Variants in R3HDM1 observed in about 807,000 individuals in gnomAD.
The protein encoded by R3HDM1 is R3H domain containing 1, also known as R3H domain-containing protein 1.
In R3HDM1, 46 loss-of-function variants were observed where a neutral mutation model predicts 141.1. That is an observed-to-expected ratio of 0.33 (90% CI 0.26 to 0.42). The LOEUF is 0.42. Ranked by LOEUF, R3HDM1 falls within the 10% of genes least tolerant of loss-of-function variation. R3HDM1 has a pLI of 1.00. For synonymous variants in R3HDM1, 435 were observed against 472.9 expected, an observed-to-expected ratio of 0.92 and a Z score of 1.04; for missense variants, 1,184 against 1,368.3, an observed-to-expected ratio of 0.87 and a Z score of 2.12.
At chr2:135,658,632 A>G (rs992051225) in intron 18 of R3HDM1, among the ~76,000 whole-genome samples, 1 of 152,144 alleles carries the variant, frequency 6.6e-6, no homozygotes, top group African/African-American at 2.4e-5. Context: ...AATTTATTTC[A>G]TACATTTTTC....
chr2:135,559,282 A>G (rs945144600), intron 1 of R3HDM1: 1 of 153,860 alleles, frequency 6.5e-6, no homozygotes, highest in South Asian at 2.1e-4. Context: ...CAGCTAATTT[A>G]AAAAACATTT....
At chr2:135,688,861 AG>A (rs987615634) in intron 21 of R3HDM1, among the ~76,000 whole-genome samples, 5 of 152,162 alleles carry the variant, frequency 3.3e-5, no homozygotes, top group African/African-American at 1.2e-4. Context: ...ACTTGAACCC[AG>A]GAGGCAGAGG....
intron 21 of R3HDM1, among the ~76,000 whole-genome samples, chr2:135,708,969 A>AAC (rs2075285062): frequency 1.3e-5 from 2 of 151,886 alleles, no homozygotes; most frequent in Non-Finnish European, 2.9e-5. Context: ...AAAAAAAAAA[A>AAC]AAAAAAAAAC....
At chr2:135,596,387 A>G (rs2059190049) in intron 1 of R3HDM1, among the ~76,000 whole-genome samples, 1 of 152,234 alleles carries the variant, frequency 6.6e-6, no homozygotes, top group Non-Finnish European at 1.5e-5. Flanking sequence ...GAAAAATGTC[A>G]TAAACAAAAA....
chr2:135,565,283 A>G (rs762648228), intron 1 of R3HDM1, among the ~76,000 whole-genome samples: 5 of 151,096 alleles, frequency 3.3e-5, no homozygotes, highest in Non-Finnish European at 7.4e-5. Context: ...CCCTCCTTGC[A>G]CTTGGCAAAA....
intron 19 of R3HDM1, among the ~76,000 whole-genome samples, chr2:135,668,841 C>CT (rs2067910112): frequency 6.6e-6 from 1 of 152,178 alleles, no homozygotes; most frequent in Admixed American, 6.5e-5. Context: ...CTAGACTAAT[C>CT]TTGTATAGAC....
chr2:135,629,600 C>G (rs776734111), intron 7 of R3HDM1, among the ~76,000 whole-genome samples: 25 of 151,914 alleles, frequency 1.6e-4, no homozygotes, highest in Non-Finnish European at 3.1e-4. Context: ...AGAAACAATT[C>G]TAAGAAAGAA....
intron 3 of R3HDM1, among the ~76,000 whole-genome samples, chr2:135,611,935 A>T (rs2105141602): frequency 1.3e-5 from 2 of 152,276 alleles, no homozygotes; most frequent in Middle Eastern, 6.8e-3. Flanking sequence ...GTGGGATGGG[A>T]TGATCCTGTA....
chr2:135,695,409 T>C (rs547028505), intron 21 of R3HDM1, among the ~76,000 whole-genome samples: 11 of 152,262 alleles, frequency 7.2e-5, no homozygotes, highest in African/African-American at 2.6e-4. Context: ...GCATCATTGC[T>C]CTTAAGGGGC....
intron 1 of R3HDM1, chr2:135,533,907 T>A (rs989216414): frequency 1.3e-6 from 1 of 764,244 alleles, no homozygotes; most frequent in African/African-American, 1.9e-5. Flanking sequence ...AGAGGTAAAG[T>A]ATGTAAATCC....
intron 1 of R3HDM1, among the ~76,000 whole-genome samples, chr2:135,594,975 A>G (rs982009286): frequency 1.5e-5 from 2 of 131,936 alleles, no homozygotes; most frequent in Non-Finnish European, 3.1e-5. Context: ...TAGGGATTCT[A>G]CACCCCCCCC....
chr2:135,701,394 A>G (rs532587428), intron 21 of R3HDM1, among the ~76,000 whole-genome samples: 5 of 152,240 alleles, frequency 3.3e-5, no homozygotes, highest in South Asian at 4.1e-4. Context: ...GCAAGACCCT[A>G]TCTCCAAAAA....
chr2:135,614,815 CT>C (rs139013636), intron 3 of R3HDM1, among the ~76,000 whole-genome samples: 9 of 149,356 alleles, frequency 6.0e-5, no homozygotes, highest in Non-Finnish European at 8.9e-5. Flanking sequence ...TTTTCTCTCT[CT>C]TTTTTTTTTC....
chr2:135,613,855 G>C (rs1372389986), intron 3 of R3HDM1, among the ~76,000 whole-genome samples: 3 of 152,110 alleles, frequency 2.0e-5, no homozygotes, highest in African/African-American at 4.8e-5. Flanking sequence ...GCAGTACCTT[G>C]ATTTGTGTTT....
intron 5 of R3HDM1, among the ~76,000 whole-genome samples, chr2:135,619,207 A>T (rs569415781): frequency 6.6e-6 from 1 of 152,188 alleles, no homozygotes; most frequent in South Asian, 2.1e-4. Context: ...AGGGTCAGGC[A>T]TTCATAAATC....
chr2:135,574,545 A>G (rs1187818436), intron 1 of R3HDM1, among the ~76,000 whole-genome samples: 1 of 152,376 alleles, frequency 6.6e-6, no homozygotes, highest in South Asian at 2.1e-4. Flanking sequence ...TTGAAAAAAG[A>G]AAGCTATAAA....
chr2:135,663,134 C>CAAAA (rs555551580), intron 19 of R3HDM1, among the ~76,000 whole-genome samples: 1 of 90,882 alleles, frequency 1.1e-5, no homozygotes, highest in Non-Finnish European at 2.7e-5. Flanking sequence ...GCCTCTCTGC[C>CAAAA]AAAAAAAAAA....
intron 23 of R3HDM1, among the ~76,000 whole-genome samples, chr2:135,713,058 C>T (rs2075829472): frequency 6.6e-6 from 1 of 151,922 alleles, no homozygotes; most frequent in African/African-American, 2.4e-5. Context: ...AAAAATTAGC[C>T]AGGTGTGGTG....
intron 3 of R3HDM1, among the ~76,000 whole-genome samples, chr2:135,614,813 C>G (rs941079288): frequency 6.6e-6 from 1 of 150,616 alleles, no homozygotes; most frequent in Non-Finnish European, 1.5e-5. Context: ...GCTTTTCTCT[C>G]TCTTTTTTTT....
Sources: allele counts gnomAD v4.1 joint callset (sites outside exome capture counted in the v4.1 genomes callset), GRCh38; gene constraint gnomAD v4.1.1; transcripts MANE v1.5; gene names NCBI Gene and HGNC (gene_info 2026-07-23, HGNC 2026-07-21).